Variants in TPRG1 observed in about 807,000 individuals in gnomAD.
TPRG1 encodes the protein tumor protein p63 regulated 1.
In TPRG1, 29 loss-of-function variants were observed where a neutral mutation model predicts 29.3. That is an observed-to-expected ratio of 0.99 (90% confidence interval 0.74 to 1.35). The LOEUF is 1.35. TPRG1 is among the 40% of genes most tolerant of loss of function. The probability of loss-of-function intolerance (pLI) is 0.00; values close to 1 mark genes in which losing one functional copy is unlikely to be tolerated. For synonymous variants in TPRG1, 130 were observed against 116.8 expected (o/e 1.11, Z -0.73); for missense variants, 327 against 335.0 (o/e 0.98, Z 0.19).
intron 4 of TPRG1, among the ~76,000 whole-genome samples, chr3:189,049,301 A>G (rs928059175): frequency 1.3e-5 from 2 of 152,130 alleles, no homozygotes; most frequent in African/African-American, 2.4e-5. Context: ...GGCTGTGGGT[A>G]GTGGGGGCAT....
chr3:189,137,559 A>T (rs1297529292), intron 3 of TPRG1, among the ~76,000 whole-genome samples: 1 of 151,976 alleles, frequency 6.6e-6, no homozygotes, highest in Non-Finnish European at 1.5e-5. Flanking sequence ...CACAGCCCTT[A>T]TTGACTGGCT....
At chr3:189,298,251 T>G (rs1049339374) in intron 4 of TPRG1, among the ~76,000 whole-genome samples, 2 of 152,206 alleles carry the variant, frequency 1.3e-5, no homozygotes, top group African/African-American at 4.8e-5. Flanking sequence ...ATTTCTGATT[T>G]AACAGGTTGT....
chr3:189,169,796 G>C (rs1194166894), upstream of TPRG1, among the ~76,000 whole-genome samples: 1 of 152,166 alleles, frequency 6.6e-6, no homozygotes, highest in Admixed American at 6.5e-5. Flanking sequence ...CCCATTGCAC[G>C]GAAGAGGCAA....
intron 3 of TPRG1, among the ~76,000 whole-genome samples, chr3:189,230,464 T>G (rs1402068175): frequency 3.3e-5 from 5 of 152,198 alleles, no homozygotes; most frequent in African/African-American, 7.2e-5. Context: ...TCCCTGCATG[T>G]GATCTGGCTT....
At chr3:189,151,240 A>C (rs538874935) in intron 5 of TPRG1, 1 of 141,522 alleles carries the variant, frequency 7.1e-6, no homozygotes, top group South Asian at 2.3e-4. Flanking sequence ...CAATAAGCTC[A>C]GTTATTCAGA....
chr3:189,299,703 A>G (rs923140644), intron 4 of TPRG1, among the ~76,000 whole-genome samples: 2 of 151,612 alleles, frequency 1.3e-5, no homozygotes, highest in African/African-American at 4.9e-5. Context: ...TGCAAAATGG[A>G]TATCATGGGG....
chr3:189,113,669 TG>T (rs1301492273), intron 1 of TPRG1, among the ~76,000 whole-genome samples: 1 of 151,724 alleles, frequency 6.6e-6, no homozygotes, highest in African/African-American at 2.4e-5. Flanking sequence ...GTTTATATGC[TG>T]GATTACATTT....
intron 1 of TPRG1, among the ~76,000 whole-genome samples, chr3:189,172,461 T>A (rs985965823): frequency 2.0e-5 from 3 of 152,196 alleles, no homozygotes; most frequent in African/African-American, 7.2e-5. Context: ...GCTTGGTCAA[T>A]TGAAGTGATT....
chr3:189,321,363 G>A lies in TPRG1; in HGVS notation c.*543G>A, dbSNP rs1321606577. On this transcript the variant is annotated 3_prime_UTR_variant, in exon 6 of 6. Coordinates refer to ENST00000345063, the MANE Select transcript of TPRG1 (RefSeq NM_198485.4). ...AGTGTCCCAGTGGCCTCTTAATTGA[G>A]CATTATCAAAATCCTGTGGTATTTA... The A allele has an allele frequency of 6.6e-6, 1 of 151,862 alleles. No homozygotes were observed. Among genetic ancestry groups the A allele is most frequent in the Non-Finnish European group, 1.5e-5 (1 of 67,970 alleles). The allele number at this position is 151,862 out of a possible 1,614,324, so 9.4% of individuals were successfully genotyped here. A position where few individuals can be genotyped will look rare whatever the true frequency, so the allele number is the denominator to read the frequency against.
intron 3 of TPRG1, among the ~76,000 whole-genome samples, chr3:189,012,877 T>C (rs1712677241): frequency 6.6e-6 from 1 of 152,152 alleles, no homozygotes; most frequent in Non-Finnish European, 1.5e-5. Context: ...TTTTGAATCT[T>C]CTCTCTTTTC....
At chr3:188,999,700 T>C (rs1209047958) in intron 1 of TPRG1, among the ~76,000 whole-genome samples, 1 of 152,138 alleles carries the variant, frequency 6.6e-6, no homozygotes, top group Non-Finnish European at 1.5e-5. Context: ...TATTTATTAC[T>C]TTTTTTATTG....
intron 4 of TPRG1, among the ~76,000 whole-genome samples, chr3:189,253,584 C>T (rs966733134): frequency 8.5e-5 from 13 of 152,062 alleles, no homozygotes; most frequent in Admixed American, 7.9e-4. Context: ...TCTTTATAGT[C>T]AAATGATTGA....
chr3:189,199,827 C>T (rs1280002864), intron 1 of TPRG1, among the ~76,000 whole-genome samples: 1 of 152,140 alleles, frequency 6.6e-6, no homozygotes, highest in African/African-American at 2.4e-5. Flanking sequence ...TTGCAGTGAG[C>T]TGAGATCACG....
At chr3:189,293,777 C>T (rs956142406) in intron 4 of TPRG1, among the ~76,000 whole-genome samples, 46 of 152,300 alleles carry the variant, frequency 3.0e-4, no homozygotes, top group African/African-American at 1.1e-3. Context: ...CTCACAGTTC[C>T]TCCACTCACA....
chr3:189,138,659 C>T (rs1029101928), intron 3 of TPRG1, among the ~76,000 whole-genome samples: 5 of 152,142 alleles, frequency 3.3e-5, no homozygotes, highest in African/African-American at 1.2e-4. Context: ...CATATGTATG[C>T]CTTTGGCTAG....
intron 1 of TPRG1, among the ~76,000 whole-genome samples, chr3:189,118,198 G>A (rs1439535507): frequency 6.6e-6 from 1 of 152,140 alleles, no homozygotes; most frequent in East Asian, 1.9e-4. Flanking sequence ...GGAACTTGTT[G>A]GGAACTGGAT....
intron 4 of TPRG1, among the ~76,000 whole-genome samples, chr3:189,086,675 G>A (rs1717965204): frequency 6.6e-6 from 1 of 151,980 alleles, no homozygotes; most frequent in Admixed American, 6.6e-5. Flanking sequence ...TTACAGGCAT[G>A]TGCCACCACG....
intron 1 of TPRG1, among the ~76,000 whole-genome samples, chr3:189,188,700 A>C (rs1345010009): frequency 6.6e-6 from 1 of 152,164 alleles, no homozygotes; most frequent in Non-Finnish European, 1.5e-5. Flanking sequence ...CATATAATTT[A>C]CATAACAGGT....
intron 3 of TPRG1, among the ~76,000 whole-genome samples, chr3:189,143,373 G>A (rs1724837036): frequency 1.3e-5 from 2 of 152,308 alleles, no homozygotes; most frequent in Non-Finnish European, 1.5e-5. Context: ...CAAGTGGCTT[G>A]AGATACTGCC....
Sources: gnomAD v4.1 joint callset for allele counts (sites outside exome capture counted in the v4.1 genomes callset) on GRCh38, gnomAD v4.1.1 for gene constraint, MANE v1.5 for transcripts, NCBI Gene and HGNC (gene_info 2026-07-23, HGNC 2026-07-21) for gene names.